Variants in STXBP5 observed in about 807,000 individuals in gnomAD.
STXBP5 encodes syntaxin-binding protein 5.
STXBP5 carries 50 observed loss-of-function variants against 152.4 expected under a neutral mutation model. The observed-to-expected ratio is 0.33, with a 90% CI of 0.26 to 0.42. STXBP5 has a LOEUF of 0.42. Ranked by LOEUF, STXBP5 falls within the 10% of genes least tolerant of loss-of-function variation. STXBP5 has a pLI of 1.00. For missense variants in STXBP5, 1,167 were observed against 1,388.6 expected, an observed-to-expected ratio of 0.84 and a Z score of 2.54; for synonymous variants, 492 against 494.7, an observed-to-expected ratio of 0.99 and a Z score of 0.07.
chr6:147,310,501 A>T (rs1345874280), intron 10 of STXBP5, among the ~76,000 whole-genome samples: 1 of 150,730 alleles, frequency 6.6e-6, no homozygotes, highest in Non-Finnish European at 1.5e-5. Context: ...AGGATTCTCC[A>T]TAGACGCACA....
At chr6:147,384,086 T>C (rs1270901624) in intron 27 of STXBP5, among the ~76,000 whole-genome samples, 1 of 152,146 alleles carries the variant, frequency 6.6e-6, no homozygotes, top group Admixed American at 6.5e-5. Context: ...CACTGTTAAC[T>C]TTCCCTTCTA....
At chr6:147,244,987 C>CTTT (rs57889304) in intron 4 of STXBP5, among the ~76,000 whole-genome samples, 118 of 86,166 alleles carry the variant, frequency 1.4e-3, no homozygotes, top group Non-Finnish European at 1.6e-3. Context: ...TGCTGAGCTG[C>CTTT]TTTTTTTTTT....
At chr6:147,277,776 T>C (rs891303545) in intron 7 of STXBP5, among the ~76,000 whole-genome samples, 4 of 152,174 alleles carry the variant, frequency 2.6e-5, no homozygotes, top group Non-Finnish European at 5.9e-5. Flanking sequence ...AGGTATTGTT[T>C]ATGCTAAAAA....
At position 147,367,701 on chromosome 6, in the gene STXBP5, AT is replaced by A. The variant is rs200615467; in HGVS notation, c.3081+3536del. Among the ~76,000 whole-genome samples the A allele has an allele frequency of 3.9e-5, 6 of 152,106 alleles. No individual in the cohort carries two copies. In the East Asian group the frequency reaches 7.7e-4, roughly 20 times the overall value. On this transcript the variant is annotated intron_variant, in intron 25 of 27. Transcript: ENST00000321680. The stretch of plus-strand genomic sequence containing the variant: ...ACCCAAAGTAAACACAAGAAAAAAA[AT>A]AATAAACATCCAAGTGGAAAACAAA...
rs185676830 is a variant in STXBP5, at chr6:147,306,168, A to C, written c.918-3916A>C. ...ATGCTCCAGCATTTCCAGTCCATTA[A>C]GTCTGGTGAGGCAGTGATCAGCTCA... is the stretch of plus-strand genomic sequence containing the variant. On this transcript the variant is annotated intron_variant, in intron 9 of 27. Coordinates refer to ENST00000321680, the MANE Select transcript of STXBP5 (RefSeq NM_001127715.4). Among the ~76,000 whole-genome samples, 358 of 152,334 alleles carry C rather than the reference A, an allele frequency of 2.4e-3. 1 individual carries two copies. The highest frequency in any genetic ancestry group is 6.8e-3 in the Middle Eastern group (2 of 294).
chr6:147,304,552 G>A (rs954363505), intron 9 of STXBP5, among the ~76,000 whole-genome samples: 1 of 152,128 alleles, frequency 6.6e-6, no homozygotes, highest in Non-Finnish European at 1.5e-5. Flanking sequence ...ACACTGCCTA[G>A]TAGAGCTGTG....
intron 8 of STXBP5, among the ~76,000 whole-genome samples, chr6:147,284,361 C>A (rs1303351621): frequency 6.6e-6 from 1 of 152,110 alleles, no homozygotes; most frequent in Non-Finnish European, 1.5e-5. Context: ...AATCTTTATT[C>A]ATTTTAAATG....
rs115040836 is a variant in STXBP5, at chr6:147,257,691, G to A, written c.432-2924G>A. ...TTGCATTCCTGAAAAGTTTTGTTGG[G>A]GTCTTGTTAACTCTAGAACTATAAG... On this transcript the variant is annotated intron_variant, in intron 4 of 27. Transcript: ENST00000321680. Among the ~76,000 whole-genome samples the A allele has an allele frequency of 9.5e-3, 1,439 of 151,948 alleles. 13 individuals carry two copies. Among genetic ancestry groups the A allele is most frequent in the African/African-American group, 0.033 (1,367 of 41,438 alleles).
At chr6:147,323,615 C>T (rs1783054499) in intron 16 of STXBP5, among the ~76,000 whole-genome samples, 1 of 152,150 alleles carries the variant, frequency 6.6e-6, no homozygotes, top group African/African-American at 2.4e-5. Flanking sequence ...TGGTCTCGAA[C>T]TCTTGACCTT....
rs775259920 is a variant in STXBP5, at chr6:147,278,143, C to T, written c.777C>T (p.Gly259=). Residue 259 remains glycine (G), a synonymous_variant, in exon 8 of 28, where the codon GGC becomes GGT. Coordinates refer to ENST00000321680, the MANE Select transcript of STXBP5 (RefSeq NM_001127715.4). The part of the protein sequence containing the change: ...GKQFICSHSD[G]TLTIWNVRSP... ...AATTTATTTGCAGTCATTCAGATGG[C>T]ACCTTGACTATATGGAATGTAAGGT... 1 of 1,612,558 alleles carries T rather than the reference C, an allele frequency of 6.2e-7. No homozygotes were observed. Among genetic ancestry groups the T allele is most frequent in the Admixed American group, 1.7e-5 (1 of 59,994 alleles).
chr6:147,246,143 A>G (rs1375390809), intron 4 of STXBP5, among the ~76,000 whole-genome samples: 1 of 152,246 alleles, frequency 6.6e-6, no homozygotes, highest in African/African-American at 2.4e-5. Flanking sequence ...TTGATAAGTA[A>G]GACAGATAAG....
intron 21 of STXBP5, among the ~76,000 whole-genome samples, chr6:147,351,077 A>G (rs1035847346): frequency 1.3e-5 from 2 of 152,192 alleles, no homozygotes; most frequent in Admixed American, 1.3e-4. Context: ...ACTGGGATTA[A>G]TAGTTTTGTC....
chr6:147,233,116 A>G (rs1455438947), intron 2 of STXBP5, among the ~76,000 whole-genome samples: 1 of 151,840 alleles, frequency 6.6e-6, no homozygotes, highest in African/African-American at 2.4e-5. Context: ...TTAATATTCT[A>G]TAAAATGATG....
chr6:147,334,321 C>A (rs1274591229), intron 19 of STXBP5, 99 bp downstream of exon 19: 4 of 1,062,192 alleles, frequency 3.8e-6, no homozygotes, highest in African/African-American at 1.6e-5. Flanking sequence ...TAAAATACAT[C>A]TACGAAAACT....
At chr6:147,244,630 T>G (rs1239033860) in intron 4 of STXBP5, among the ~76,000 whole-genome samples, 1 of 152,224 alleles carries the variant, frequency 6.6e-6, no homozygotes, top group African/African-American at 2.4e-5. Flanking sequence ...TGCCCTAGCG[T>G]CAATAGCATT....
intron 7 of STXBP5, among the ~76,000 whole-genome samples, chr6:147,273,303 G>A (rs1437850003): frequency 6.6e-6 from 1 of 152,038 alleles, no homozygotes; most frequent in Non-Finnish European, 1.5e-5. Context: ...GTTCAAGGCA[G>A]CAGTGAGCTA....
chr6:147,368,403 A>T (rs56271914), intron 25 of STXBP5, among the ~76,000 whole-genome samples: 3,285 of 152,306 alleles, frequency 0.022, 90 homozygotes, highest in African/African-American at 0.071. Context: ...TAAAAAGCTT[A>T]AAAAAGAGCA....
chr6:147,321,679 TCAAA>T (rs1385034036), intron 16 of STXBP5, among the ~76,000 whole-genome samples: 1 of 152,248 alleles, frequency 6.6e-6, no homozygotes, highest in Non-Finnish European at 1.5e-5. Context: ...AGGTACTTGC[TCAAA>T]CAATCATTTT....
rs1241456617 is a variant in STXBP5 at position 147,390,441 on chromosome 6, A to G, written c.*5686A>G. The G allele has an allele frequency of 1.3e-5, 2 of 152,008 alleles. No individual in the cohort carries two copies. The highest frequency in any genetic ancestry group is 1.3e-4 in the Admixed American group (2 of 15,212). The allele number at this position is 152,008 out of a possible 1,614,324, so 9.4% of individuals were successfully genotyped here. A position where few individuals can be genotyped will look rare whatever the true frequency, so the allele number is the denominator to read the frequency against. ...TATGCTGAAGGGCTCTGATTGGGCA[A>G]AATAAAATACTCTAATCTCTCCTGA... is the stretch of plus-strand genomic sequence containing the variant. On this transcript the variant is annotated 3_prime_UTR_variant, in exon 28 of 28. Transcript: ENST00000321680.
Sources: gnomAD v4.1 joint callset for allele counts (sites outside exome capture counted in the v4.1 genomes callset) on GRCh38, gnomAD v4.1.1 for gene constraint, MANE v1.5 for transcripts, NCBI Gene and HGNC (gene_info 2026-07-23, HGNC 2026-07-21) for gene names.